Variants in SORCS2 observed in about 807,000 individuals in gnomAD.
SORCS2 encodes the protein VPS10 domain-containing receptor SorCS2.
Under a neutral mutation model 141.6 loss-of-function variants are expected in SORCS2, and 100 were observed. The observed-to-expected ratio is 0.71, with a 90% CI of 0.60 to 0.83. SORCS2 has a LOEUF of 0.83. Among genes scored for constraint, SORCS2 ranks in the 40% least tolerant of loss-of-function variants. The pLI is 0.00. For synonymous variants in SORCS2, 789 were observed against 676.9 expected (o/e 1.17, Z -2.57); for missense variants, 1,646 against 1,560.2 (o/e 1.05, Z -0.93).
At chr4:7,457,673 G>A (rs1729006118) in intron 2 of SORCS2, among the ~76,000 whole-genome samples, 1 of 151,182 alleles carries the variant, frequency 6.6e-6, no homozygotes, top group Non-Finnish European at 1.5e-5. Context: ...ACACCAGGGA[G>A]CATGCCCCAG....
chr4:7,216,720 C>G (rs1189874021), intron 1 of SORCS2, among the ~76,000 whole-genome samples: 5 of 152,148 alleles, frequency 3.3e-5, no homozygotes, highest in Non-Finnish European at 7.3e-5. Context: ...GGCCACCAGA[C>G]AATACAGGCT....
At chr4:7,400,452 A>G (rs915976263) in intron 2 of SORCS2, among the ~76,000 whole-genome samples, 10 of 145,274 alleles carry the variant, frequency 6.9e-5, no homozygotes, top group African/African-American at 2.6e-4. Flanking sequence ...GTTCCTGTTT[A>G]TGGTTTGCCC....
At chr4:7,297,692 G>A (rs1235043333) in intron 1 of SORCS2, among the ~76,000 whole-genome samples, 1 of 152,242 alleles carries the variant, frequency 6.6e-6, no homozygotes, top group African/African-American at 2.4e-5. Flanking sequence ...TGAGACGAAA[G>A]AGCTGCCGTG....
intron 1 of SORCS2, among the ~76,000 whole-genome samples, chr4:7,373,738 C>T (rs1415533220): frequency 2.0e-5 from 3 of 151,412 alleles, no homozygotes; most frequent in Non-Finnish European, 4.4e-5. Flanking sequence ...GTGATCCACC[C>T]GCCTCGGCCT....
At chr4:7,348,057 C>G (rs1720737335) in intron 1 of SORCS2, among the ~76,000 whole-genome samples, 1 of 152,082 alleles carries the variant, frequency 6.6e-6, no homozygotes, top group South Asian at 2.1e-4. Flanking sequence ...TGAGGATGAT[C>G]TTGTCTAATG....
chr4:7,279,689 T>C (rs1427817101), intron 1 of SORCS2, among the ~76,000 whole-genome samples: 3 of 152,176 alleles, frequency 2.0e-5, no homozygotes, highest in Admixed American at 6.5e-5. Flanking sequence ...GCCGCGGAAT[T>C]ACAGGGAGGT....
intron 2 of SORCS2, chr4:7,433,661 A>G (rs1274281789): frequency 1.2e-6 from 2 of 1,609,660 alleles, no homozygotes; most frequent in Middle Eastern, 1.7e-4. Context: ...AAGTTGTGGG[A>G]GGACACCGTG....
chr4:7,350,419 G>C (rs945769293), intron 1 of SORCS2, among the ~76,000 whole-genome samples: 1 of 152,254 alleles, frequency 6.6e-6, no homozygotes, highest in Non-Finnish European at 1.5e-5. Context: ...ATAGACAGCT[G>C]GATCTAGGGA....
At chr4:7,437,349 G>A (rs1325512462) in intron 2 of SORCS2, among the ~76,000 whole-genome samples, 1 of 152,208 alleles carries the variant, frequency 6.6e-6, no homozygotes, top group Non-Finnish European at 1.5e-5. Context: ...AGGACTAGGG[G>A]CCGGGGTGCA....
At chr4:7,509,300 G>A (rs1039277221) in intron 2 of SORCS2, among the ~76,000 whole-genome samples, 1 of 152,124 alleles carries the variant, frequency 6.6e-6, no homozygotes, top group South Asian at 2.1e-4. Context: ...GGCCACAGAG[G>A]GGATGGAGAG....
At chr4:7,542,460 T>C (rs1472131165) in intron 3 of SORCS2, among the ~76,000 whole-genome samples, 1 of 151,856 alleles carries the variant, frequency 6.6e-6, no homozygotes, top group African/African-American at 2.4e-5. Flanking sequence ...CGAAGACATA[T>C]GGGGAAGAGG....
chr4:7,373,458 T>TTATATATATATATATATATATATATATA (rs1553850461), intron 1 of SORCS2, among the ~76,000 whole-genome samples: 2 of 82,832 alleles, frequency 2.4e-5, no homozygotes, highest in Non-Finnish European at 2.0e-5. Context: ...TGAGAAACTT[T>TTATATATATATATATATATATATATATA]TATATATATA....
chr4:7,296,377 G>T (rs1717053872), intron 1 of SORCS2, among the ~76,000 whole-genome samples: 1 of 152,228 alleles, frequency 6.6e-6, no homozygotes, highest in Admixed American at 6.5e-5. Flanking sequence ...AGGAGCCGAG[G>T]TTGGGCTTGC....
At chr4:7,308,010 G>C (rs1329817656) in intron 1 of SORCS2, among the ~76,000 whole-genome samples, 1 of 152,146 alleles carries the variant, frequency 6.6e-6, no homozygotes, top group Non-Finnish European at 1.5e-5. Flanking sequence ...GTGGGAGGTA[G>C]GCTCCTGCCC....
At chr4:7,398,811 C>T (rs763344618) in intron 2 of SORCS2, among the ~76,000 whole-genome samples, 9 of 152,180 alleles carry the variant, frequency 5.9e-5, no homozygotes, top group Non-Finnish European at 8.8e-5. Context: ...ATTGATGCTG[C>T]CATAAAAAAT....
intron 1 of SORCS2, among the ~76,000 whole-genome samples, chr4:7,344,942 C>T (rs938170311): frequency 6.6e-6 from 1 of 152,036 alleles, no homozygotes; most frequent in African/African-American, 2.4e-5. Flanking sequence ...CCACCCAGAC[C>T]CCAGTCTCAT....
At chr4:7,671,904 C>T (rs1722821605) in intron 8 of SORCS2, among the ~76,000 whole-genome samples, 1 of 151,534 alleles carries the variant, frequency 6.6e-6, no homozygotes, top group Non-Finnish European at 1.5e-5. Flanking sequence ...AAGAGATCCA[C>T]ACCAAGACAC....
At chr4:7,448,333 A>T (rs140821644) in intron 2 of SORCS2, among the ~76,000 whole-genome samples, 2 of 151,914 alleles carry the variant, frequency 1.3e-5, no homozygotes, top group African/African-American at 4.8e-5. Context: ...AGGCACAGAG[A>T]GAGATGCTGG....
intron 2 of SORCS2, among the ~76,000 whole-genome samples, chr4:7,480,033 G>A (rs527321767): frequency 1.6e-3 from 242 of 152,354 alleles, no homozygotes; most frequent in Non-Finnish European, 2.7e-3. Flanking sequence ...GCCTCGCCAT[G>A]TGGCTGAGCC....
Sources: gnomAD v4.1 joint callset for allele counts (sites outside exome capture counted in the v4.1 genomes callset) on GRCh38, gnomAD v4.1.1 for gene constraint, MANE v1.5 for transcripts, NCBI Gene and HGNC (gene_info 2026-07-23, HGNC 2026-07-21) for gene names.